Variants in COL28A1 observed in about 807,000 individuals in gnomAD.
COL28A1 encodes collagen type XXVIII alpha 1 chain, also known as collagen alpha-1(XXVIII) chain.
A neutral mutation model predicts 150.2 loss-of-function variants in COL28A1; 161 were observed. The observed-to-expected ratio is 1.07, with a 90% CI of 0.94 to 1.22. The LOEUF (loss-of-function observed/expected upper bound fraction) is 1.22. Among genes scored for constraint, COL28A1 ranks in the 50% most tolerant of loss-of-function variants. The probability of loss-of-function intolerance (pLI) is 0.00; values close to 1 mark genes in which losing one functional copy is unlikely to be tolerated. For synonymous variants in COL28A1, 552 were observed against 469.7 expected, an observed-to-expected ratio of 1.18 and a Z score of -2.26; for missense variants, 1,617 against 1,388.3, an observed-to-expected ratio of 1.16 and a Z score of -2.62.
At chr7:7,530,245 A>C (rs1416610125) in intron 3 of COL28A1, among the ~76,000 whole-genome samples, 1 of 152,210 alleles carries the variant, frequency 6.6e-6, no homozygotes, top group South Asian at 2.1e-4. Flanking sequence ...GAATAAAATA[A>C]AATATATAAA....
chr7:7,471,407 A>T (rs1788416678), intron 15 of COL28A1, among the ~76,000 whole-genome samples: 1 of 152,226 alleles, frequency 6.6e-6, no homozygotes, highest in Non-Finnish European at 1.5e-5. Flanking sequence ...CCAGGAAAGG[A>T]CATAACCAAA....
chr7:7,463,295 C>G (rs937237935), intron 15 of COL28A1, among the ~76,000 whole-genome samples: 26 of 152,138 alleles, frequency 1.7e-4, no homozygotes, highest in Non-Finnish European at 2.8e-4. Flanking sequence ...AAACACCTCA[C>G]TAATGTTTAA....
At chr7:7,519,259 T>C (rs182952941) in intron 6 of COL28A1, among the ~76,000 whole-genome samples, 18 of 152,202 alleles carry the variant, frequency 1.2e-4, no homozygotes, top group Admixed American at 7.2e-4. Flanking sequence ...TCAGATCTCA[T>C]GTGACTTACT....
chr7:7,428,941 G>A (rs911395207), intron 25 of COL28A1, among the ~76,000 whole-genome samples: 1 of 152,144 alleles, frequency 6.6e-6, no homozygotes, highest in African/African-American at 2.4e-5. Flanking sequence ...AAAGAGCCAC[G>A]GAGAACCACA....
intron 27 of COL28A1, among the ~76,000 whole-genome samples, chr7:7,397,662 C>T (rs543859450): frequency 2.1e-4 from 32 of 152,254 alleles, no homozygotes; most frequent in Admixed American, 1.9e-3. Flanking sequence ...ACTTCTCAGG[C>T]GTGAGCTTCA....
chr7:7,446,070 C>T (rs1786239329), intron 18 of COL28A1, among the ~76,000 whole-genome samples: 4 of 152,026 alleles, frequency 2.6e-5, no homozygotes, highest in Admixed American at 2.6e-4. Flanking sequence ...GTTGGTCAGG[C>T]TGTTCTTGAC....
intron 13 of COL28A1, among the ~76,000 whole-genome samples, chr7:7,479,700 T>C (rs1481120836): frequency 1.3e-5 from 2 of 152,222 alleles, no homozygotes; most frequent in Non-Finnish European, 2.9e-5. Flanking sequence ...AAGAAGTTCA[T>C]GTAACTATTG....
Position 7,373,284 on chromosome 7 carries a change from G to C in COL28A1, c.2622C>G (p.Gly874=). 1 of 1,614,144 alleles carries C rather than the reference G, an allele frequency of 6.2e-7. No individual in the cohort carries two copies. The highest frequency in any genetic ancestry group is 8.5e-7 in the Non-Finnish European group (1 of 1,180,012). The change falls in exon 32 of 35, where the codon GGC becomes GGG. Residue 874 remains glycine (G), a synonymous_variant. Transcript: ENST00000399429. This position sits in a 1 kb window ranked among gnomAD's most constrained non-coding sequence, Gnocchi z 4.1. The part of the protein sequence containing the change: ...AVDNMQYLGE[G]TYTATALQAA... ...CTTGCAGAGCAGTGGCTGTGTATGT[G>C]CCTTCCCCCAGATACTGCATGTTGT...
intron 22 of COL28A1, among the ~76,000 whole-genome samples, 191 bp downstream of exon 22, chr7:7,437,203 G>A (rs1031356598): frequency 6.6e-6 from 1 of 152,170 alleles, no homozygotes; most frequent in African/African-American, 2.4e-5. Flanking sequence ...GGGACCAAGA[G>A]CACAAAATCT....
chr7:7,391,310 G>A (rs1018073486), intron 27 of COL28A1, among the ~76,000 whole-genome samples: 2 of 152,124 alleles, frequency 1.3e-5, no homozygotes, highest in African/African-American at 4.8e-5. Context: ...TTAATCCTGA[G>A]TTCTAATTTG....
rs1780855115 is a variant in COL28A1 at position 7,507,145 on chromosome 7, T to C, written c.944A>G (p.Tyr315Cys). ...IKGDKGSPGP[Y>C]GPKGPRGIQG... ...AATTCCTCTGGGTCCCTTTGGTCCA[T>C]ATGGCCCTGGGGATCCCTGTGGAAT... The change falls in exon 10 of 35, where the codon TAT (tyrosine) becomes TGT (cysteine). Residue 315 changes from tyrosine to cysteine, a missense_variant. By Grantham distance (194) the Tyr-to-Cys change is radical. Transcript: ENST00000399429. The C allele has an allele frequency of 5.5e-6, 7 of 1,273,846 alleles. No homozygotes were observed. Among genetic ancestry groups the C allele is most frequent in the South Asian group, 4.8e-5 (4 of 83,534 alleles). 78.9% of individuals were successfully genotyped at this position (1,273,846 alleles called of 1,614,324 possible).
chr7:7,505,440 T>C (rs375976297), intron 11 of COL28A1, among the ~76,000 whole-genome samples: 1 of 152,244 alleles, frequency 6.6e-6, no homozygotes, highest in Non-Finnish European at 1.5e-5. Flanking sequence ...GAGAGCCTTA[T>C]AACCAGGCCT....
intron 21 of COL28A1, among the ~76,000 whole-genome samples, 169 bp downstream of exon 21, chr7:7,440,621 G>A (rs2128319851): frequency 6.6e-6 from 1 of 152,274 alleles, no homozygotes; most frequent in Admixed American, 6.5e-5. Flanking sequence ...CCATTCTATT[G>A]TGGTCTGGGA....
intron 14 of COL28A1, among the ~76,000 whole-genome samples, 166 bp from the exon 15 acceptor site, chr7:7,474,835 A>C (rs1788736886): frequency 6.6e-6 from 1 of 152,230 alleles, no homozygotes; most frequent in Non-Finnish European, 1.5e-5. Flanking sequence ...TGAGATTTGC[A>C]ACTTGCAAAA....
At chr7:7,350,674 TA>T in the COL28A1 span, among the ~76,000 whole-genome samples, 78,279 of 133,802 alleles carry the variant, frequency 0.59, 26,194 homozygotes, top group East Asian at 0.85. Context: ...TTTTTTTTTT[TA>T]AAACCGCTGA....
In COL28A1 at chr7:7,490,579, T is replaced by G; in HGVS notation, c.1094A>C (p.Lys365Thr). Residue 365 changes from lysine (K) to threonine (T), a missense_variant and splice_region_variant, in exon 12 of 35, where the codon AAG becomes ACG. Coordinates refer to ENST00000399429, the MANE Select transcript of COL28A1 (RefSeq NM_001037763.3). ...GGGCAAAAAGACAAGTATCTTTACC[T>G]TAATACCTTGCTGTCCAATTCCAGG... ...GAPGIGQQGI[K>T]GERGQEGRPG... The G allele has an allele frequency of 3.2e-6, 4 of 1,245,106 alleles. No homozygotes were observed. Among genetic ancestry groups the G allele is most frequent in the Non-Finnish European group, 4.7e-6 (4 of 843,944 alleles). 77.1% of individuals were successfully genotyped at this position (1,245,106 alleles called of 1,614,324 possible). A position where few individuals can be genotyped will look rare whatever the true frequency, so the allele number is the denominator to read the frequency against.
intron 27 of COL28A1, among the ~76,000 whole-genome samples, chr7:7,394,354 C>T (rs1353977195): frequency 2.0e-5 from 3 of 152,186 alleles, no homozygotes; most frequent in Non-Finnish European, 4.4e-5. Flanking sequence ...TCACTGGGAG[C>T]TGCAGACCAG....
intron 1 of COL28A1, among the ~76,000 whole-genome samples, chr7:7,534,006 C>G (rs989772313): frequency 1.3e-5 from 2 of 152,216 alleles, no homozygotes; most frequent in East Asian, 3.9e-4. Context: ...TTTCCAGACT[C>G]TGAGTAGAGA....
At chr7:7,393,673 GCAGTCAGGCTA>G (rs1201062200) in intron 27 of COL28A1, among the ~76,000 whole-genome samples, 8 of 152,212 alleles carry the variant, frequency 5.3e-5, no homozygotes, top group African/African-American at 1.9e-4. Context: ...ATCTAGAGAG[GCAGTCAGGCTA>G]CAGCGGCATT....
Sources: gnomAD v4.1 joint callset for allele counts (sites outside exome capture counted in the v4.1 genomes callset) on GRCh38, gnomAD v4.1.1 for gene constraint, Gnocchi (gnomAD v3.1) non-coding constraint, MANE v1.5 for transcripts, NCBI Gene and HGNC (gene_info 2026-07-23, HGNC 2026-07-21) for gene names.